Variants in BMPR1A observed in about 807,000 individuals in gnomAD.
The protein encoded by BMPR1A is bone morphogenetic protein receptor type-1A.
In BMPR1A, 7 loss-of-function variants were observed where a neutral mutation model predicts 66.0. The observed-to-expected ratio is 0.11, with a 90% CI of 0.06 to 0.20. The LOEUF (loss-of-function observed/expected upper bound fraction) is 0.20. Among genes scored for constraint, BMPR1A ranks in the 10% least tolerant of loss-of-function variants. The pLI is 1.00. For missense variants in BMPR1A, 408 were observed against 669.1 expected, an observed-to-expected ratio of 0.61 and a Z score of 4.31; for synonymous variants, 200 against 229.7, an observed-to-expected ratio of 0.87 and a Z score of 1.17.
At chr10:86,932,657 T>C (rs921851506), downstream of BMPR1A, 3 of 152,298 alleles carry the variant, frequency 2.0e-5, no homozygotes, top group Non-Finnish European at 4.4e-5. Flanking sequence ...TTGGGGAGCT[T>C]TCTTGATGGA....
intron 5 of BMPR1A, among the ~76,000 whole-genome samples, chr10:86,894,671 G>T (rs1000595927): frequency 1.3e-5 from 2 of 152,168 alleles, no homozygotes; most frequent in African/African-American, 4.8e-5. Flanking sequence ...CTTCGGACAA[G>T]GTGCTCTGCT....
At chr10:86,826,193 G>T (rs1842191575) in intron 1 of BMPR1A, among the ~76,000 whole-genome samples, 1 of 152,040 alleles carries the variant, frequency 6.6e-6, no homozygotes, top group Non-Finnish European at 1.5e-5. Context: ...TAAGAGCAAG[G>T]TTGTCTTCCT....
At position 86,797,068 on chromosome 10, in the gene BMPR1A, C is replaced by CTTTTTTCT. The variant is rs1554879656; in HGVS notation, c.-268+40155_-268+40156insCTTTTTTT. Among the ~76,000 whole-genome samples the CTTTTTTCT allele has an allele frequency of 4.6e-4, 48 of 105,010 alleles. 1 individual carries two copies. The highest frequency in any genetic ancestry group is 1.1e-3 in the East Asian group (2 of 1,896). The allele number at this position is 105,010 out of a possible 152,430, so 68.9% of individuals were successfully genotyped here. The stretch of plus-strand genomic sequence containing the variant: ...TTTTCCTTTCTTTTTCTTTTCTTTT[C>CTTTTTTCT]TTTTTTTTTTTTTTTTGAGACAGTC... On this transcript the variant is annotated intron_variant, in intron 1 of 12. Coordinates refer to ENST00000372037, the MANE Select transcript of BMPR1A (RefSeq NM_004329.3).
At chr10:86,928,674 TGA>T (rs1271032223), downstream of BMPR1A, 1 of 152,058 alleles carries the variant, frequency 6.6e-6, no homozygotes, top group African/African-American at 2.4e-5. Flanking sequence ...TCTTTTTTTT[TGA>T]GAGAGTCTTG....
intron 1 of BMPR1A, among the ~76,000 whole-genome samples, chr10:86,805,042 C>T (rs1841870207): frequency 2.0e-5 from 3 of 151,982 alleles, no homozygotes; most frequent in Admixed American, 2.0e-4. Context: ...ATCCCTGTCT[C>T]TCCCCACATG....
At chr10:86,780,181 G>A (rs1261552521) in intron 1 of BMPR1A, among the ~76,000 whole-genome samples, 1 of 152,110 alleles carries the variant, frequency 6.6e-6, no homozygotes, top group Non-Finnish European at 1.5e-5. Context: ...AGATGTTTGA[G>A]TTACTTGTAT....
intron 1 of BMPR1A, among the ~76,000 whole-genome samples, chr10:86,809,648 CT>C (rs1841942323): frequency 8.1e-6 from 1 of 123,558 alleles, no homozygotes. Context: ...GGGTCTTATT[CT>C]GTCGTCTAGG....
intron 1 of BMPR1A, among the ~76,000 whole-genome samples, chr10:86,773,854 CTTTT>C (rs34632382): frequency 1.4e-5 from 2 of 142,114 alleles, no homozygotes; most frequent in African/African-American, 2.6e-5. Context: ...GTATTTCATT[CTTTT>C]TTTTTTTTTT....
intron 1 of BMPR1A, among the ~76,000 whole-genome samples, chr10:86,765,817 C>T (rs776603533): frequency 1.3e-5 from 2 of 152,088 alleles, no homozygotes; most frequent in African/African-American, 2.4e-5. Context: ...CCAAGATTGC[C>T]ACTGTTGAAA....
Position 86,814,477 on chromosome 10 carries a change from A to G in BMPR1A, c.-267-24388A>G, listed in dbSNP as rs531207723. ...AGAATTATCTTCCTTCTTACTTTCA[A>G]TTTCTCGAAGGCATTATCTGTAATA... On this transcript the variant is annotated intron_variant, in intron 1 of 12. Transcript: ENST00000372037. 2.6e-4 allele frequency among the ~76,000 whole-genome samples: 40 copies of G among 151,626 alleles called. 1 individual carries two copies. The South Asian group carries it at 8.0e-3, about 30-fold the overall frequency.
chr10:86,855,971 G>C (rs911821890), intron 2 of BMPR1A: 7 of 622,500 alleles, frequency 1.1e-5, no homozygotes, highest in Non-Finnish European at 2.1e-5. Flanking sequence ...TTCCAGAATG[G>C]CCACTTTGCC....
chr10:86,822,183 G>A (rs1410122012), intron 1 of BMPR1A, among the ~76,000 whole-genome samples: 9 of 152,038 alleles, frequency 5.9e-5, no homozygotes, highest in Non-Finnish European at 1.2e-4. Context: ...ACTTTAGCAT[G>A]TGTCATGTAT....
At chr10:86,868,778 G>GTGTGTTTTTTTT (rs572972222) in intron 2 of BMPR1A, among the ~76,000 whole-genome samples, 4 of 141,046 alleles carry the variant, frequency 2.8e-5, no homozygotes, top group African/African-American at 1.1e-4. Context: ...CTTTTCCTGT[G>GTGTGTTTTTTTT]TTTTTTTTTT....
chr10:86,878,669 C>T lies in BMPR1A; in HGVS notation c.67+2584C>T, dbSNP rs116511681. The stretch of plus-strand genomic sequence containing the variant: ...TTATCTGCATTTGAGGCAGGTAAAA[C>T]GGGGAAAGGGTCAGCACTGGCCTCA... On this transcript the variant is annotated intron_variant, in intron 3 of 12. Transcript: ENST00000372037. Among the ~76,000 whole-genome samples the T allele has an allele frequency of 4.8e-3, 737 of 152,196 alleles. 9 individuals carry two copies. The highest frequency in any genetic ancestry group is 0.017 in the African/African-American group (688 of 41,524).
chr10:86,898,727 TTTCC>T (rs904373106), intron 5 of BMPR1A, among the ~76,000 whole-genome samples: 4 of 152,216 alleles, frequency 2.6e-5, no homozygotes, highest in African/African-American at 4.8e-5. Flanking sequence ...TCATTTTAGC[TTTCC>T]TGGAACCGTT....
At chr10:86,905,678 C>T (rs1342377688) in intron 7 of BMPR1A, among the ~76,000 whole-genome samples, 1 of 151,798 alleles carries the variant, frequency 6.6e-6, no homozygotes, top group African/African-American at 2.4e-5. Flanking sequence ...ATCACGGATG[C>T]ATTTGTCAGA....
chr10:86,849,149 G>A (rs1327443175), intron 2 of BMPR1A, among the ~76,000 whole-genome samples: 1 of 152,170 alleles, frequency 6.6e-6, no homozygotes, highest in Admixed American at 6.5e-5. Flanking sequence ...AGAATCTTAT[G>A]AATTAATTCC....
intron 7 of BMPR1A, among the ~76,000 whole-genome samples, chr10:86,911,525 C>T (rs1198542570): frequency 6.6e-6 from 1 of 152,100 alleles, no homozygotes; most frequent in African/African-American, 2.4e-5. Flanking sequence ...CATGGCAGAT[C>T]GCTTGAGCTC....
chr10:86,888,725 G>A (rs1252496477), intron 3 of BMPR1A, among the ~76,000 whole-genome samples: 1 of 151,644 alleles, frequency 6.6e-6, no homozygotes, highest in Non-Finnish European at 1.5e-5. Context: ...TACTCCAGAG[G>A]CTGAGGTGGG....
Sources: gnomAD v4.1 joint callset for allele counts (sites outside exome capture counted in the v4.1 genomes callset) on GRCh38, gnomAD v4.1.1 for gene constraint, MANE v1.5 for transcripts, NCBI Gene and HGNC (gene_info 2026-07-23, HGNC 2026-07-21) for gene names.